DAB1: variants seen among roughly 807,000 people sequenced by gnomAD.
The protein encoded by DAB1 is DAB adaptor protein 1, also known as disabled homolog 1.
Under a neutral mutation model 64.6 loss-of-function variants are expected in DAB1, and 15 were observed. The ratio of observed to expected loss-of-function variants is 0.23; its 90% CI spans 0.16 to 0.36. DAB1 has a LOEUF of 0.36. Ranked by LOEUF, DAB1 falls within the 10% of genes least tolerant of loss-of-function variation. The pLI is 1.00. For missense variants in DAB1, 596 were observed against 706.7 expected (o/e 0.84, Z 1.78); for synonymous variants, 235 against 251.9 (o/e 0.93, Z 0.64).
chr1:58,141,727 G>C (rs1350881390), intron 5 of DAB1, among the ~76,000 whole-genome samples: 2 of 152,206 alleles, frequency 1.3e-5, no homozygotes, highest in African/African-American at 4.8e-5. Context: ...CCCAAAGGAA[G>C]TGACAGCTGC....
intron 1 of DAB1, among the ~76,000 whole-genome samples, chr1:57,879,197 A>C (rs775087659): frequency 1.3e-5 from 2 of 152,122 alleles, no homozygotes; most frequent in Non-Finnish European, 2.9e-5. Context: ...CTACATTTAC[A>C]TTCCCCTAAC....
At chr1:58,288,720 T>C (rs1661749542) in intron 4 of DAB1, among the ~76,000 whole-genome samples, 1 of 152,206 alleles carries the variant, frequency 6.6e-6, no homozygotes, top group Admixed American at 6.5e-5. Flanking sequence ...CTCTTCTCCT[T>C]ATATTTTTGC....
At chr1:57,501,885 A>C (rs1206068340) in intron 7 of DAB1, among the ~76,000 whole-genome samples, 1 of 152,126 alleles carries the variant, frequency 6.6e-6, no homozygotes, top group Non-Finnish European at 1.5e-5. Flanking sequence ...TGATTTTTAA[A>C]GTACTGGGGC....
At chr1:57,465,306 T>A (rs943635161) in intron 7 of DAB1, among the ~76,000 whole-genome samples, 1 of 152,220 alleles carries the variant, frequency 6.6e-6, no homozygotes, top group Admixed American at 6.5e-5. Context: ...GCACACTAAA[T>A]CTATTATATT....
intron 14 of DAB1, among the ~76,000 whole-genome samples, chr1:57,002,811 C>A (rs1645919159): frequency 6.6e-6 from 1 of 152,196 alleles, no homozygotes; most frequent in Admixed American, 6.5e-5. Flanking sequence ...CATTTAGCAG[C>A]CCTAGGATTC....
chr1:58,044,490 T>C (rs1486262420), intron 5 of DAB1, among the ~76,000 whole-genome samples: 2 of 151,990 alleles, frequency 1.3e-5, no homozygotes, highest in African/African-American at 4.8e-5. Context: ...CTGTTTGAAA[T>C]ACCTAGACAG....
chr1:57,196,316 C>G (rs1157842071), intron 2 of DAB1, among the ~76,000 whole-genome samples: 2 of 152,182 alleles, frequency 1.3e-5, no homozygotes, highest in Non-Finnish European at 2.9e-5. Flanking sequence ...CTCAGTGTAG[C>G]CATCCTCACC....
chr1:58,356,730 A>G (rs986837506), intron 3 of DAB1, among the ~76,000 whole-genome samples: 7 of 152,044 alleles, frequency 4.6e-5, no homozygotes, highest in African/African-American at 1.7e-4. Context: ...TTTTCCCCTA[A>G]AGATATTTGG....
chr1:57,007,518 A>G (rs1036286564), intron 14 of DAB1, among the ~76,000 whole-genome samples: 20 of 152,280 alleles, frequency 1.3e-4, no homozygotes, highest in Admixed American at 1.2e-3. Flanking sequence ...GGTAGGGGGA[A>G]AAAAGTGAAG....
chr1:57,238,882 C>CACAG (rs1668300709), intron 2 of DAB1, among the ~76,000 whole-genome samples: 1 of 151,788 alleles, frequency 6.6e-6, no homozygotes, highest in Non-Finnish European at 1.5e-5. Context: ...CACACACACA[C>CACAG]ACACACACAC....
At chr1:57,303,568 T>C (rs1285082414) in intron 1 of DAB1, among the ~76,000 whole-genome samples, 2 of 152,008 alleles carry the variant, frequency 1.3e-5, no homozygotes, top group Admixed American at 1.3e-4. Flanking sequence ...AGTGAAAAGA[T>C]GAACAGGGAG....
At chr1:57,480,859 T>C (rs1644009435) in intron 7 of DAB1, among the ~76,000 whole-genome samples, 1 of 152,162 alleles carries the variant, frequency 6.6e-6, no homozygotes, top group Non-Finnish European at 1.5e-5. Flanking sequence ...ATGAGAAAGC[T>C]GAGGCTCAGA....
intron 5 of DAB1, among the ~76,000 whole-genome samples, chr1:58,140,126 G>T (rs897396916): frequency 3.3e-5 from 5 of 152,108 alleles, no homozygotes; most frequent in South Asian, 4.2e-4. Flanking sequence ...TTCAACATTT[G>T]CCAATGGTTA....
At chr1:57,282,256 A>G (rs1671977807) in intron 2 of DAB1, among the ~76,000 whole-genome samples, 1 of 151,284 alleles carries the variant, frequency 6.6e-6, no homozygotes, top group Non-Finnish European at 1.5e-5. Flanking sequence ...CGCCAAGAGC[A>G]AGTGCATAGG....
At chr1:57,869,712 T>C (rs775960156) in intron 1 of DAB1, among the ~76,000 whole-genome samples, 1 of 152,112 alleles carries the variant, frequency 6.6e-6, no homozygotes, top group Non-Finnish European at 1.5e-5. Flanking sequence ...CGAGAGAAAC[T>C]TGCTTCAGCA....
intron 1 of DAB1, among the ~76,000 whole-genome samples, chr1:58,540,163 T>C (rs1367982396): frequency 1.3e-5 from 2 of 152,084 alleles, no homozygotes; most frequent in African/African-American, 4.8e-5. Flanking sequence ...CAGAAGGGTT[T>C]TGCCTCAACA....
intron 4 of DAB1, among the ~76,000 whole-genome samples, chr1:58,222,413 A>G (rs188095880): frequency 2.8e-4 from 43 of 152,326 alleles, no homozygotes; most frequent in Admixed American, 2.4e-3. Context: ...TTAACCTCCA[A>G]TTCACTTCCT....
intron 5 of DAB1, among the ~76,000 whole-genome samples, chr1:57,946,491 T>A (rs1645185683): frequency 6.6e-6 from 1 of 152,222 alleles, no homozygotes; most frequent in Non-Finnish European, 1.5e-5. Flanking sequence ...TCTAATAGGA[T>A]CTGTGTGTTA....
At chr1:58,046,663 G>A (rs1647270677) in intron 5 of DAB1, among the ~76,000 whole-genome samples, 2 of 152,234 alleles carry the variant, frequency 1.3e-5, no homozygotes, top group South Asian at 4.2e-4. Context: ...CTGTCCATCT[G>A]GTATCTTCTC....
Sources: gnomAD v4.1 joint callset for allele counts (sites outside exome capture counted in the v4.1 genomes callset) on GRCh38, gnomAD v4.1.1 for gene constraint, MANE v1.5 for transcripts, NCBI Gene and HGNC (gene_info 2026-07-23, HGNC 2026-07-21) for gene names.